SPDYA: variants seen among roughly 807,000 people sequenced by gnomAD.
SPDYA encodes the protein speedy/RINGO cell cycle regulator family member A, also known as speedy protein A.
SPDYA carries 11 observed loss-of-function variants against 36.7 expected under a neutral mutation model. The observed-to-expected ratio is 0.30, with a 90% CI of 0.19 to 0.50. The LOEUF (loss-of-function observed/expected upper bound fraction) is 0.50, where lower values mean the gene tolerates loss of function less well. Among genes scored for constraint, SPDYA ranks in the 20% least tolerant of loss-of-function variants. The pLI, the probability that SPDYA is intolerant of heterozygous loss-of-function variation, is 0.98. For missense variants in SPDYA, 287 were observed against 370.9 expected (o/e 0.77, Z 1.86); for synonymous variants, 115 against 118.7 (o/e 0.97, Z 0.20).
Position 28,840,305 on chromosome 2 carries a change from C to T in SPDYA, c.686C>T (p.Ser229Leu). The T allele has an allele frequency of 1.9e-6, 3 of 1,612,120 alleles. No individual in the cohort carries two copies. The highest frequency in any genetic ancestry group is 1.7e-6 in the Non-Finnish European group (2 of 1,179,220). The change falls in exon 7 of 8, where the codon TCA (serine) becomes TTA (leucine). Residue 229 changes from serine to leucine, a missense_variant. Ser to Leu is a moderately radical substitution (Grantham distance 145, BLOSUM62 -2). Transcript: ENST00000334056. ...RGPSATPVDC[S>L]LCGKKRRYVR... ...CCTAGTGCCACACCAGTAGATTGTT[C>T]ACTCTGTGGTAAAAAAAGAAGATAT...
At chr2:28,819,332 G>C (rs1041867966) in intron 4 of SPDYA, among the ~76,000 whole-genome samples, 1 of 151,970 alleles carries the variant, frequency 6.6e-6, no homozygotes, top group Non-Finnish European at 1.5e-5. Context: ...AACATAGTGA[G>C]ACCCCCATCT....
At chr2:28,834,078 T>TA (rs944772478) in intron 6 of SPDYA, among the ~76,000 whole-genome samples, 4 of 102,782 alleles carry the variant, frequency 3.9e-5, no homozygotes, top group African/African-American at 1.4e-4. Flanking sequence ...TGCAAATTGC[T>TA]AAAACACACA....
intron 5 of SPDYA, among the ~76,000 whole-genome samples, chr2:28,826,186 G>C (rs1207851370): frequency 2.0e-5 from 3 of 152,032 alleles, no homozygotes; most frequent in Non-Finnish European, 2.9e-5. Context: ...ACCCAGGCTG[G>C]AGTGCATTGG....
intron 6 of SPDYA, among the ~76,000 whole-genome samples, chr2:28,839,637 G>A (rs1172276174): frequency 1.3e-5 from 2 of 152,142 alleles, no homozygotes; most frequent in Non-Finnish European, 2.9e-5. Context: ...GAGTAGCTGG[G>A]ACTACAGGCG....
At chr2:28,844,176 TTAA>T (rs1343134285) in intron 7 of SPDYA, among the ~76,000 whole-genome samples, 1 of 152,222 alleles carries the variant, frequency 6.6e-6, no homozygotes, top group East Asian at 1.9e-4. Flanking sequence ...GGCATATAAG[TTAA>T]TAATGTGATA....
At chr2:28,827,720 T>C (rs1668366787) in intron 5 of SPDYA, among the ~76,000 whole-genome samples, 1 of 152,304 alleles carries the variant, frequency 6.6e-6, no homozygotes, top group South Asian at 2.1e-4. Context: ...GTTCACTGGT[T>C]TAATTTTCTT....
chr2:28,840,031 A>T (rs1188203756), intron 6 of SPDYA, 141 bp from the exon 7 acceptor site: 11 of 697,150 alleles, frequency 1.6e-5, no homozygotes, highest in Non-Finnish European at 2.3e-5. Context: ...CCTTATCTGG[A>T]AGTGCTTTGT....
intron 1 of SPDYA, among the ~76,000 whole-genome samples, chr2:28,813,447 C>G (rs1448160733): frequency 6.6e-6 from 1 of 152,100 alleles, no homozygotes; most frequent in Non-Finnish European, 1.5e-5. Flanking sequence ...AAGTCTAGCC[C>G]CAACACTCAA....
At chr2:28,823,415 G>C (rs1202434455) in intron 5 of SPDYA, among the ~76,000 whole-genome samples, 1 of 151,838 alleles carries the variant, frequency 6.6e-6, no homozygotes. Context: ...CTGAGGTCAG[G>C]AGTTCGATAC....
At chr2:28,821,191 C>T (rs796873798) in intron 4 of SPDYA, among the ~76,000 whole-genome samples, 394 of 120,128 alleles carry the variant, frequency 3.3e-3, no homozygotes, top group East Asian at 5.1e-3. Flanking sequence ...TTTTTTTTTT[C>T]TTTTTCTTTT....
chr2:28,836,931 A>C (rs1668618923), intron 6 of SPDYA, among the ~76,000 whole-genome samples: 1 of 152,188 alleles, frequency 6.6e-6, no homozygotes, highest in Non-Finnish European at 1.5e-5. Context: ...GTTAGACTAC[A>C]CTTCCAGCCC....
chr2:28,831,508 T>A (rs994318876), intron 6 of SPDYA, among the ~76,000 whole-genome samples: 1 of 152,246 alleles, frequency 6.6e-6, no homozygotes, highest in Non-Finnish European at 1.5e-5. Context: ...TAATGGAACT[T>A]GTTTTTCCTC....
At chr2:28,829,726 G>A (rs1291793066) in intron 6 of SPDYA, among the ~76,000 whole-genome samples, 1 of 151,738 alleles carries the variant, frequency 6.6e-6, no homozygotes, top group African/African-American at 2.4e-5. Flanking sequence ...GGCAGATCAC[G>A]AGGTCAGGAG....
At chr2:28,843,395 C>G (rs947528933) in intron 7 of SPDYA, among the ~76,000 whole-genome samples, 13 of 151,866 alleles carry the variant, frequency 8.6e-5, no homozygotes, top group Admixed American at 6.6e-5. Flanking sequence ...ATTAAAAATA[C>G]AAAAATTAGC....
At chr2:28,822,447 C>A in intron 5 of SPDYA, 37 bp downstream of exon 5, 3 of 1,137,762 alleles carry the variant, frequency 2.6e-6, no homozygotes, top group Non-Finnish European at 3.8e-6. Flanking sequence ...GTTGTGTTAT[C>A]TATTATATAC....
At chr2:28,813,125 T>C (rs1321784281) in intron 1 of SPDYA, among the ~76,000 whole-genome samples, 2 of 152,214 alleles carry the variant, frequency 1.3e-5, no homozygotes, top group African/African-American at 4.8e-5. Flanking sequence ...ATGTACCTTT[T>C]CTGCCAGTGT....
chr2:28,827,419 C>T (rs1301515933), intron 5 of SPDYA, among the ~76,000 whole-genome samples: 2 of 152,066 alleles, frequency 1.3e-5, no homozygotes, highest in Admixed American at 6.6e-5. Flanking sequence ...TTCCATGTAT[C>T]GTATTATCTT....
rs1298466908 is a variant in SPDYA at position 28,840,167 on chromosome 2, T to C, written c.553-5T>C. ...AAAATTCTAAAAGTTAGCTTTCTAT[T>C]ATAGGTTATGGCCATTGCACCAACC... On this transcript the variant is annotated splice_polypyrimidine_tract_variant and splice_region_variant and intron_variant, in intron 6 of 7. Coordinates refer to ENST00000334056, the MANE Select transcript of SPDYA (RefSeq NM_182756.4). The C allele has an allele frequency of 1.2e-6, 2 of 1,610,102 alleles. No individual in the cohort carries two copies. Among genetic ancestry groups the C allele is most frequent in the Middle Eastern group, 1.7e-4 (1 of 6,040 alleles).
In SPDYA at chr2:28,850,396, T is replaced by C; in HGVS notation, c.*455T>C. 6.2e-7 allele frequency: 1 copy of C among 1,605,084 alleles called. No individual in the cohort carries two copies. The highest frequency in any genetic ancestry group is 8.5e-7 in the Non-Finnish European group (1 of 1,175,404). ...AAATGATCCATATGGAAAATCAGAATGCGATTCTTCTGTTGTAAAAAAATA... is the reference window on the plus strand; with the variant it reads ...AAATGATCCATATGGAAAATCAGAACGCGATTCTTCTGTTGTAAAAAAATA... On this transcript the variant is annotated 3_prime_UTR_variant, in exon 8 of 8. Coordinates refer to ENST00000334056, the MANE Select transcript of SPDYA (RefSeq NM_182756.4).
Sources: gnomAD v4.1 joint callset for allele counts (sites outside exome capture counted in the v4.1 genomes callset) on GRCh38, gnomAD v4.1.1 for gene constraint, MANE v1.5 for transcripts, NCBI Gene and HGNC (gene_info 2026-07-23, HGNC 2026-07-21) for gene names.